DCAF6: variants seen among roughly 807,000 people sequenced by gnomAD.
DCAF6 encodes the protein DDB1- and CUL4-associated factor 6.
Under a neutral mutation model 125.1 loss-of-function variants are expected in DCAF6, and 54 were observed. The ratio of observed to expected loss-of-function variants is 0.43; its 90% CI spans 0.35 to 0.54. The LOEUF is 0.54. DCAF6 is among the 20% of genes least tolerant of loss of function. The probability of loss-of-function intolerance (pLI) is 0.01; values close to 1 mark genes in which losing one functional copy is unlikely to be tolerated. For synonymous variants in DCAF6, 371 were observed against 390.4 expected (o/e 0.95, Z 0.58); for missense variants, 934 against 1,161.7 (o/e 0.80, Z 2.85).
chr1:167,884,911 T>G, the DCAF6 span, among the ~76,000 whole-genome samples: 2 of 152,158 alleles, frequency 1.3e-5, no homozygotes, highest in Non-Finnish European at 2.9e-5. Context: ...TTAGTCAGAC[T>G]GGTCTCGAAC....
intron 4 of DCAF6, among the ~76,000 whole-genome samples, chr1:167,979,189 A>C (rs893235031): frequency 1.3e-5 from 2 of 152,106 alleles, no homozygotes; most frequent in South Asian, 2.1e-4. Flanking sequence ...TTTTTGTGTT[A>C]ACATAATTTA....
At chr1:167,875,892 G>T in the DCAF6 span, among the ~76,000 whole-genome samples, 3 of 152,098 alleles carry the variant, frequency 2.0e-5, no homozygotes, top group Non-Finnish European at 2.9e-5. Context: ...GGGGGAGCTT[G>T]CAGTGAGCCG....
intron 4 of DCAF6, among the ~76,000 whole-genome samples, chr1:167,987,259 G>C (rs1680140559): frequency 6.6e-6 from 1 of 152,120 alleles, no homozygotes; most frequent in Non-Finnish European, 1.5e-5. Flanking sequence ...TTTATCTGAA[G>C]TTAAGTTAAT....
At chr1:167,929,702 T>C in the DCAF6 span, among the ~76,000 whole-genome samples, 1 of 152,188 alleles carries the variant, frequency 6.6e-6, no homozygotes, top group African/African-American at 2.4e-5. Flanking sequence ...CCACCTATCG[T>C]ATATATGATT....
intron 17 of DCAF6, chr1:168,056,069 T>C (rs1690709250): frequency 3.8e-6 from 6 of 1,591,830 alleles, no homozygotes; most frequent in Non-Finnish European, 4.3e-6. Context: ...CAGTTACTTC[T>C]CCTGATAAAG....
the DCAF6 span, chr1:167,883,732 C>T: frequency 1.9e-5 from 20 of 1,042,822 alleles, no homozygotes; most frequent in Non-Finnish European, 3.0e-5. Flanking sequence ...ATGTCTACCT[C>T]AGAATGGGTG....
At chr1:168,042,972 A>G (rs986371869) in intron 13 of DCAF6, 53 bp from the exon 14 acceptor site, 3 of 1,325,724 alleles carry the variant, frequency 2.3e-6, no homozygotes, top group Non-Finnish European at 3.2e-6. Context: ...AAATCCTAAA[A>G]GATCATATTG....
At chr1:167,991,596 A>G (rs1178241022) in intron 6 of DCAF6, among the ~76,000 whole-genome samples, 7 of 152,218 alleles carry the variant, frequency 4.6e-5, no homozygotes, top group East Asian at 1.9e-4. Context: ...CAAACTGGGT[A>G]TCTTAAAGCA....
At chr1:167,985,985 G>A (rs1679951315) in intron 4 of DCAF6, among the ~76,000 whole-genome samples, 1 of 152,102 alleles carries the variant, frequency 6.6e-6, no homozygotes, top group Non-Finnish European at 1.5e-5. Flanking sequence ...CTTCTCTTTT[G>A]TGTCTGGCTT....
the DCAF6 span, among the ~76,000 whole-genome samples, chr1:167,879,870 C>A: frequency 6.6e-6 from 1 of 152,178 alleles, no homozygotes; most frequent in African/African-American, 2.4e-5. Flanking sequence ...GCCCCTCATT[C>A]CATCAACATA....
At chr1:167,955,380 T>G (rs1451292433) in intron 2 of DCAF6, among the ~76,000 whole-genome samples, 1 of 152,102 alleles carries the variant, frequency 6.6e-6, no homozygotes, top group East Asian at 1.9e-4. Flanking sequence ...CGTTTAACAT[T>G]CCCAGTGTTA....
At chr1:167,920,448 G>T in the DCAF6 span, 2 of 1,173,798 alleles carry the variant, frequency 1.7e-6, no homozygotes, top group South Asian at 1.5e-5. Context: ...TTGTGTGTGG[G>T]TGTATTTCAA....
chr1:167,899,480 C>T, the DCAF6 span: 1 of 1,614,226 alleles, frequency 6.2e-7, no homozygotes, highest in African/African-American at 1.3e-5. Flanking sequence ...GGTCACAGAG[C>T]TGCCAGCAGT....
intron 4 of DCAF6, among the ~76,000 whole-genome samples, chr1:167,980,916 C>CTTTTTT (rs71100920): frequency 7.9e-5 from 9 of 113,552 alleles, no homozygotes; most frequent in Admixed American, 1.0e-4. Flanking sequence ...TCTGAATTTT[C>CTTTTTT]TTTTTTTTTT....
the DCAF6 span, among the ~76,000 whole-genome samples, chr1:167,923,197 T>C: frequency 2.0e-5 from 3 of 152,198 alleles, no homozygotes; most frequent in East Asian, 3.8e-4. Flanking sequence ...CTTCTGGGTG[T>C]ATACTAAGAA....
chr1:167,896,501 A>G, the DCAF6 span: 2 of 1,001,046 alleles, frequency 2.0e-6, no homozygotes, highest in East Asian at 4.8e-5. Context: ...TGTGTTGAGG[A>G]GCCCACCCAC....
At chr1:167,888,289 A>AT in the DCAF6 span, among the ~76,000 whole-genome samples, 24 of 149,432 alleles carry the variant, frequency 1.6e-4, no homozygotes, top group South Asian at 4.3e-4. Context: ...AAATTTTAGA[A>AT]TTTTTTTTTT....
At chr1:168,023,527 A>G (rs1685934498) in intron 12 of DCAF6, 1 of 163,816 alleles carries the variant, frequency 6.1e-6, no homozygotes, top group African/African-American at 2.4e-5. Flanking sequence ...GACTATAGTT[A>G]CGAACCCAGA....
chr1:167,928,291 T>C, the DCAF6 span, among the ~76,000 whole-genome samples: 1 of 145,404 alleles, frequency 6.9e-6, no homozygotes, highest in Admixed American at 7.1e-5. Context: ...GAGCTTGCAG[T>C]GAGCCGAGAT....
Sources: gnomAD v4.1 joint callset for allele counts (sites outside exome capture counted in the v4.1 genomes callset) on GRCh38, gnomAD v4.1.1 for gene constraint, MANE v1.5 for transcripts, NCBI Gene and HGNC (gene_info 2026-07-23, HGNC 2026-07-21) for gene names.